Variants in PCDHA13 observed in about 807,000 individuals in gnomAD.
The protein encoded by PCDHA13 is protocadherin alpha-13.
Under a neutral mutation model 64.8 loss-of-function variants are expected in PCDHA13, and 54 were observed. The ratio of observed to expected loss-of-function variants is 0.83; its 90% CI spans 0.67 to 1.04. The LOEUF (loss-of-function observed/expected upper bound fraction) is 1.04. Ranked by LOEUF, PCDHA13 falls within the 50% of genes least tolerant of loss-of-function variation. The pLI is 0.00. For synonymous variants in PCDHA13, 587 were observed against 564.4 expected, an observed-to-expected ratio of 1.04 and a Z score of -0.57; for missense variants, 1,248 against 1,254.3, an observed-to-expected ratio of 0.99 and a Z score of 0.08.
chr5:140,958,295 C>A (rs1405336220), intron 1 of PCDHA13, among the ~76,000 whole-genome samples: 1 of 151,884 alleles, frequency 6.6e-6, no homozygotes, highest in African/African-American at 2.4e-5. Context: ...TATTATTGAA[C>A]TTAATTAAAA....
intron 1 of PCDHA13, among the ~76,000 whole-genome samples, chr5:140,902,546 A>G (rs1456804685): frequency 6.6e-6 from 1 of 152,088 alleles, no homozygotes; most frequent in Non-Finnish European, 1.5e-5. Context: ...TGTTCCTTCT[A>G]TACCCAGATT....
chr5:140,935,080 C>G (rs1163743447), intron 1 of PCDHA13, among the ~76,000 whole-genome samples: 2 of 152,076 alleles, frequency 1.3e-5, no homozygotes, highest in Non-Finnish European at 2.9e-5. Context: ...TGTACATTTC[C>G]TTTCCCAGAA....
chr5:140,950,919 T>TCCACA (rs1554219687), intron 1 of PCDHA13, among the ~76,000 whole-genome samples: 4 of 152,198 alleles, frequency 2.6e-5, no homozygotes, highest in African/African-American at 9.6e-5. Context: ...TTTATTTCAG[T>TCCACA]TCTTTTTCTT....
chr5:140,946,326 A>T (rs1554217498), intron 1 of PCDHA13, among the ~76,000 whole-genome samples: 1 of 151,914 alleles, frequency 6.6e-6, no homozygotes, highest in East Asian at 1.9e-4. Context: ...GAAAGAGGAA[A>T]GATAACAAGT....
rs57893927 is a variant in PCDHA13 at position 140,946,631 on chromosome 5, T to TATATATATATATACACAC, written c.2395-32317_2395-32316insTATATATATATACACACA. ...TGTGAAATATATATATATATATATA[T>TATATATATATATACACAC]ACAATGGAATACTCATCAGCCATTA... On this transcript the variant is annotated intron_variant, in intron 1 of 3. Transcript: ENST00000289272. Among the ~76,000 whole-genome samples the TATATATATATATACACAC allele has an allele frequency of 9.9e-5, 13 of 131,856 alleles. 1 individual carries two copies. The East Asian group carries it at 2.7e-3, about 27-fold the overall frequency. 86.5% of individuals were successfully genotyped at this position (131,856 alleles called of 152,430 possible). A position where few individuals can be genotyped will look rare whatever the true frequency, so the allele number is the denominator to read the frequency against.
At chr5:140,892,827 A>G (rs1304427197) in intron 1 of PCDHA13, among the ~76,000 whole-genome samples, 3 of 152,188 alleles carry the variant, frequency 2.0e-5, no homozygotes, top group African/African-American at 7.2e-5. Context: ...ACAGTGCTAC[A>G]GTGCTGCAAA....
At chr5:140,900,956 C>G (rs2068392622) in intron 1 of PCDHA13, among the ~76,000 whole-genome samples, 1 of 152,160 alleles carries the variant, frequency 6.6e-6, no homozygotes, top group African/African-American at 2.4e-5. Flanking sequence ...CTCTGATTAT[C>G]AGTGATGTTG....
At chr5:140,896,000 AG>A (rs1239259521) in intron 1 of PCDHA13, among the ~76,000 whole-genome samples, 1 of 152,064 alleles carries the variant, frequency 6.6e-6, no homozygotes, top group Non-Finnish European at 1.5e-5. Flanking sequence ...AAGTAGAGAC[AG>A]GGTTTCTCCA....
intron 1 of PCDHA13, among the ~76,000 whole-genome samples, chr5:140,922,302 A>G (rs2080767601): frequency 6.6e-6 from 1 of 152,222 alleles, no homozygotes; most frequent in African/African-American, 2.4e-5. Flanking sequence ...AGGAGAGGAT[A>G]CCTTTCACTG....
intron 3 of PCDHA13, among the ~76,000 whole-genome samples, chr5:141,004,729 T>A (rs782339918): frequency 6.6e-6 from 1 of 152,144 alleles, no homozygotes; most frequent in African/African-American, 2.4e-5. Context: ...TTAAATACAT[T>A]TCTCTCTTTT....
At chr5:140,943,157 C>T (rs2093427609) in intron 1 of PCDHA13, among the ~76,000 whole-genome samples, 1 of 148,876 alleles carries the variant, frequency 6.7e-6, no homozygotes, top group South Asian at 2.1e-4. Context: ...ACTCTGGAGG[C>T]TGAGGCAGGA....
chr5:141,009,825 T>A lies in PCDHA13; in HGVS notation c.2741T>A (p.Ile914Lys). ...AGCCAAATTGACAAAAGTGACTTCA[T>A]AACCTTCGGCAAAAAGGAGGAGACC... ...TNSQIDKSDF[I>K]TFGKKEETKK... is the part of the protein sequence containing the mutation. The change falls in exon 4 of 4, where the codon ATA (isoleucine) becomes AAA (lysine). Residue 914 changes from isoleucine to lysine, a missense_variant. Physicochemically the swap from Ile to Lys is moderately radical, Grantham distance 102. Coordinates refer to ENST00000289272, the MANE Select transcript of PCDHA13 (RefSeq NM_018904.3). 2 of 1,613,774 alleles carry A rather than the reference T, an allele frequency of 1.2e-6. No homozygotes were observed.
intron 1 of PCDHA13, among the ~76,000 whole-genome samples, chr5:140,922,507 C>G (rs2080870221): frequency 1.3e-5 from 2 of 152,154 alleles, no homozygotes; most frequent in Non-Finnish European, 2.9e-5. Flanking sequence ...AGCAGATGCA[C>G]CATTATTTCA....
intron 1 of PCDHA13, among the ~76,000 whole-genome samples, chr5:140,940,583 G>A (rs1294741133): frequency 6.6e-6 from 1 of 151,990 alleles, no homozygotes; most frequent in East Asian, 1.9e-4. Flanking sequence ...AAAGTGTTGG[G>A]ATTTCAGGCA....
At chr5:141,000,608 A>G (rs1554257700) in intron 3 of PCDHA13, among the ~76,000 whole-genome samples, 2 of 150,664 alleles carry the variant, frequency 1.3e-5, no homozygotes, top group African/African-American at 4.9e-5. Context: ...TTGTATTTTT[A>G]GTAGAGACAG....
At chr5:140,968,464 C>G (rs1554230763) in intron 1 of PCDHA13, 1 of 1,614,114 alleles carries the variant, frequency 6.2e-7, no homozygotes, top group Non-Finnish European at 8.5e-7. Flanking sequence ...TGACTGCCAA[C>G]GTATATGTGG....
In PCDHA13 at chr5:140,884,155, C is replaced by G; in HGVS notation, c.1887C>G (p.Gly629=). 1 of 1,613,430 alleles carries G rather than the reference C, an allele frequency of 6.2e-7. No individual in the cohort carries two copies. Among genetic ancestry groups the G allele is most frequent in the Non-Finnish European group, 8.5e-7 (1 of 1,179,750 alleles). The change falls in exon 1 of 4, where the codon GGC becomes GGG. Residue 629 remains glycine (G), a synonymous_variant. Coordinates refer to ENST00000289272, the MANE Select transcript of PCDHA13 (RefSeq NM_018904.3). ...RIPFRVGLYT[G]EISTTRPLDE... ...CGTTCCGCGTGGGGCTGTACACTGG[C>G]GAGATCAGCACGACGCGCCCTCTGG... is the stretch of plus-strand genomic sequence containing the variant.
chr5:140,975,868 C>T (rs553871611), intron 1 of PCDHA13, among the ~76,000 whole-genome samples: 2 of 152,222 alleles, frequency 1.3e-5, no homozygotes, highest in East Asian at 3.9e-4. Flanking sequence ...ATATGGACTA[C>T]CTAATTGATT....
At chr5:140,899,479 A>T (rs2067352016) in intron 1 of PCDHA13, among the ~76,000 whole-genome samples, 1 of 152,194 alleles carries the variant, frequency 6.6e-6, no homozygotes, top group Non-Finnish European at 1.5e-5. Flanking sequence ...TTCTGTTTAT[A>T]TGCTGGATTA....
Sources: allele counts gnomAD v4.1 joint callset (sites outside exome capture counted in the v4.1 genomes callset), GRCh38; gene constraint gnomAD v4.1.1; transcripts MANE v1.5; gene names NCBI Gene and HGNC (gene_info 2026-07-23, HGNC 2026-07-21).